PSD3: variants seen among roughly 807,000 people sequenced by gnomAD.
PSD3 encodes the protein pleckstrin and Sec7 domain containing 3.
Under a neutral mutation model 105.5 loss-of-function variants are expected in PSD3, and 49 were observed. That is an observed-to-expected ratio of 0.46 (90% CI 0.37 to 0.59). The LOEUF (loss-of-function observed/expected upper bound fraction) is 0.59. PSD3 is among the 20% of genes least tolerant of loss of function. The pLI, the probability that PSD3 is intolerant of heterozygous loss-of-function variation, is 0.00. For missense variants in PSD3, 1,561 were observed against 1,263.8 expected (o/e 1.24, Z -3.57); for synonymous variants, 557 against 457.8 (o/e 1.22, Z -2.77).
intron 4 of PSD3, among the ~76,000 whole-genome samples, chr8:18,814,127 A>T (rs1376005626): frequency 6.6e-6 from 1 of 152,236 alleles, no homozygotes; most frequent in African/African-American, 2.4e-5. Flanking sequence ...TTTATAAAGG[A>T]AACACACAAA....
chr8:19,022,601 C>T (rs1212624324), intron 1 of PSD3, among the ~76,000 whole-genome samples: 1 of 152,184 alleles, frequency 6.6e-6, no homozygotes, highest in Non-Finnish European at 1.5e-5. Context: ...AAGCAACCTC[C>T]ATTGGTTTTC....
intron 11 of PSD3, among the ~76,000 whole-genome samples, chr8:18,603,382 C>A (rs1804578180): frequency 6.6e-6 from 1 of 152,208 alleles, no homozygotes. Flanking sequence ...TCACTTCTTT[C>A]TGTACCTCAG....
chr8:19,034,344 T>C lies in PSD3; in HGVS notation c.324+49862A>G, dbSNP rs574909750. On this transcript the variant is annotated intron_variant, in intron 1 of 1. Transcript: ENST00000521475. ...CTAGACGTCCTTTCTCCCTTCCTTC[T>C]GCAAAATTCATGGAATCATATGGAC... is the stretch of plus-strand genomic sequence containing the variant. 6.6e-5 allele frequency among the ~76,000 whole-genome samples: 10 copies of C among 152,314 alleles called. No individual in the cohort carries two copies. In the South Asian group the frequency reaches 2.1e-3, roughly 32 times the overall value.
At chr8:18,631,903 T>C (rs1331520811) in intron 11 of PSD3, among the ~76,000 whole-genome samples, 1 of 152,016 alleles carries the variant, frequency 6.6e-6, no homozygotes, top group African/African-American at 2.4e-5. Context: ...TGAGCAAACA[T>C]GTCACCTTAT....
At chr8:18,790,136 G>C (rs554445902) in intron 8 of PSD3, among the ~76,000 whole-genome samples, 1 of 152,174 alleles carries the variant, frequency 6.6e-6, no homozygotes, top group Admixed American at 6.5e-5. Context: ...TTCATTCTAA[G>C]AGGTCATAGA....
At chr8:18,883,093 C>T (rs140717644) in intron 2 of PSD3, among the ~76,000 whole-genome samples, 31 of 152,240 alleles carry the variant, frequency 2.0e-4, no homozygotes, top group Non-Finnish European at 4.0e-4. Flanking sequence ...CAGGCACCAC[C>T]TCAGACATTC....
intron 9 of PSD3, among the ~76,000 whole-genome samples, chr8:18,696,123 C>T (rs1463469133): frequency 6.6e-6 from 1 of 152,180 alleles, no homozygotes; most frequent in African/African-American, 2.4e-5. Context: ...TGTGTCAATG[C>T]CTCTCTAGCT....
intron 12 of PSD3, among the ~76,000 whole-genome samples, chr8:18,585,600 G>A (rs10282792): frequency 0.016 from 2,395 of 152,198 alleles, 71 homozygotes; most frequent in African/African-American, 0.055. Flanking sequence ...TTACAGGTGT[G>A]AGCCACTGTG....
intron 1 of PSD3, among the ~76,000 whole-genome samples, chr8:19,072,897 G>A (rs1416022805): frequency 6.6e-6 from 1 of 152,198 alleles, no homozygotes; most frequent in African/African-American, 2.4e-5. Flanking sequence ...ACGTGAAAAT[G>A]CATGAATACT....
intron 1 of PSD3, among the ~76,000 whole-genome samples, chr8:18,976,766 T>C (rs960388933): frequency 9.9e-5 from 15 of 152,208 alleles, no homozygotes; most frequent in African/African-American, 3.4e-4. Context: ...TAGTAGCTGA[T>C]TTTATCACTC....
chr8:18,844,511 AT>A (rs1294013134), intron 4 of PSD3, among the ~76,000 whole-genome samples: 2 of 152,144 alleles, frequency 1.3e-5, no homozygotes, highest in East Asian at 3.9e-4. Context: ...TGTCTACTAT[AT>A]TTATAGCTCT....
intron 9 of PSD3, among the ~76,000 whole-genome samples, chr8:18,712,039 T>G (rs1173267240): frequency 6.6e-6 from 1 of 152,030 alleles, no homozygotes; most frequent in Non-Finnish European, 1.5e-5. Context: ...GAGTAAATAA[T>G]GAAATTAAGG....
intron 11 of PSD3, among the ~76,000 whole-genome samples, chr8:18,606,836 G>C (rs961381508): frequency 2.6e-5 from 4 of 152,152 alleles, no homozygotes; most frequent in African/African-American, 4.8e-5. Context: ...TGAGTGTTGG[G>C]CTAACGTTAT....
At position 18,608,710 on chromosome 8, in the gene PSD3, A is replaced by G. The variant is rs181542672; in HGVS notation, c.2411-8276T>C. Among the ~76,000 whole-genome samples, 72 of 152,358 alleles carry G rather than the reference A, an allele frequency of 4.7e-4. 2 individuals carry two copies. Among genetic ancestry groups the G allele is most frequent in the African/African-American group, 1.7e-3 (72 of 41,586 alleles). On this transcript the variant is annotated intron_variant, in intron 11 of 15. Coordinates refer to ENST00000327040, the MANE Select transcript of PSD3 (RefSeq NM_015310.4). Reference sequence around the variant, plus strand: ...CCCTCTTTCATAAAGAGGAAGATATAAAATATTTCTAAACAATAAAATATT... The same window carrying G: ...CCCTCTTTCATAAAGAGGAAGATATGAAATATTTCTAAACAATAAAATATT...
At chr8:19,051,837 T>C (rs1828540245) in intron 1 of PSD3, among the ~76,000 whole-genome samples, 1 of 152,130 alleles carries the variant, frequency 6.6e-6, no homozygotes, top group African/African-American at 2.4e-5. Context: ...AAAGAACTAA[T>C]GAAAAATTAC....
intron 9 of PSD3, among the ~76,000 whole-genome samples, chr8:18,724,781 A>G (rs991217301): frequency 6.6e-6 from 1 of 152,204 alleles, no homozygotes; most frequent in African/African-American, 2.4e-5. Flanking sequence ...ATAAATGGAA[A>G]AATAAATGAA....
At chr8:18,711,786 G>A (rs908760535) in intron 9 of PSD3, among the ~76,000 whole-genome samples, 2 of 152,066 alleles carry the variant, frequency 1.3e-5, no homozygotes, top group African/African-American at 2.4e-5. Context: ...AGACCTGACA[G>A]GTATCTACAG....
intron 6 of PSD3, among the ~76,000 whole-genome samples, chr8:18,803,000 T>C (rs554911816): frequency 2.0e-5 from 3 of 152,270 alleles, no homozygotes; most frequent in Middle Eastern, 3.4e-3. Context: ...TAAAAGGCTA[T>C]TGGGGCTAGG....
At chr8:19,062,629 T>C (rs1458993772) in intron 1 of PSD3, among the ~76,000 whole-genome samples, 4 of 152,240 alleles carry the variant, frequency 2.6e-5, no homozygotes, top group Admixed American at 1.3e-4. Flanking sequence ...AAACCAGTAT[T>C]ATTTTCTATA....
Sources: allele counts gnomAD v4.1 joint callset (sites outside exome capture counted in the v4.1 genomes callset), GRCh38; gene constraint gnomAD v4.1.1; transcripts MANE v1.5; gene names NCBI Gene and HGNC (gene_info 2026-07-23, HGNC 2026-07-21).